The following ASTN2 variants were observed in gnomAD, a reference collection of about 807,000 sequenced individuals.
The protein encoded by ASTN2 is astrotactin 2, also known as astrotactin-2.
Under a neutral mutation model 139.8 loss-of-function variants are expected in ASTN2, and 54 were observed. The ratio of observed to expected loss-of-function variants is 0.39; its 90% CI spans 0.31 to 0.48. The LOEUF is 0.48. Ranked by LOEUF, ASTN2 falls within the 20% of genes least tolerant of loss-of-function variation. The pLI, the probability that ASTN2 is intolerant of heterozygous loss-of-function variation, is 0.95. For synonymous variants in ASTN2, 756 were observed against 719.5 expected (o/e 1.05, Z -0.81); for missense variants, 1,565 against 1,725.1 (o/e 0.91, Z 1.64).
chr9:116,496,900 GCCCC>G (rs376487835), intron 19 of ASTN2, among the ~76,000 whole-genome samples: 1 of 152,080 alleles, frequency 6.6e-6, no homozygotes, highest in African/African-American at 2.4e-5. Context: ...GGTAAAACCT[GCCCC>G]CATGATTCAA....
At chr9:117,371,618 G>C (rs1451761371) in intron 1 of ASTN2, among the ~76,000 whole-genome samples, 1 of 152,104 alleles carries the variant, frequency 6.6e-6, no homozygotes, top group Non-Finnish European at 1.5e-5. Context: ...TCAATTTCTT[G>C]ATCTGTAAAG....
At chr9:117,211,569 C>A (rs1832130148) in intron 3 of ASTN2, among the ~76,000 whole-genome samples, 1 of 152,110 alleles carries the variant, frequency 6.6e-6, no homozygotes, top group Non-Finnish European at 1.5e-5. Flanking sequence ...TGAGGCCTCC[C>A]CAACCGTGCC....
intron 1 of ASTN2, among the ~76,000 whole-genome samples, chr9:117,346,960 C>T (rs1240786734): frequency 6.6e-6 from 1 of 152,104 alleles, no homozygotes; most frequent in East Asian, 1.9e-4. Context: ...GGGCTCAATA[C>T]ACACATTCTT....
intron 5 of ASTN2, among the ~76,000 whole-genome samples, chr9:117,055,609 T>G (rs751761402): frequency 1.3e-5 from 2 of 152,190 alleles, no homozygotes; most frequent in Non-Finnish European, 2.9e-5. Flanking sequence ...TATCAGAGGA[T>G]ATTTACACGA....
rs181261466 is a variant in ASTN2 at position 116,798,025 on chromosome 9, C to T, written c.2396+7607G>A. Among the ~76,000 whole-genome samples the T allele has an allele frequency of 2.8e-4, 43 of 152,314 alleles. No individual in the cohort carries two copies. The South Asian group carries it at 4.4e-3, about 15-fold the overall frequency. On this transcript the variant is annotated intron_variant, in intron 13 of 22. Coordinates refer to ENST00000313400, the MANE Select transcript of ASTN2 (RefSeq NM_001365068.1). ...GTGACTCACATCTGTAACTACAGCA[C>T]TTTGGGAGGCTGAGGTGGAAGGATC...
intron 2 of ASTN2, among the ~76,000 whole-genome samples, chr9:117,232,306 T>C (rs777630364): frequency 4.6e-5 from 7 of 152,136 alleles, no homozygotes; most frequent in Non-Finnish European, 1.5e-5. Context: ...TCAAGATAAA[T>C]TTCCCCCAAA....
intron 19 of ASTN2, among the ~76,000 whole-genome samples, chr9:116,586,833 C>CACACACACACACACACACACAT (rs1554717115): frequency 0.033 from 3,838 of 117,780 alleles, 256 homozygotes; most frequent in African/African-American, 0.11. Context: ...CACATACATA[C>CACACACACACACACACACACAT]ACACACACAC....
intron 1 of ASTN2, among the ~76,000 whole-genome samples, chr9:117,334,098 T>C (rs1262388187): frequency 6.6e-6 from 1 of 152,322 alleles, no homozygotes; most frequent in East Asian, 1.9e-4. Context: ...AACTTGGTTA[T>C]TATAGTAGGA....
At chr9:116,862,825 CACACACACACACACACAT>C (rs1483405034) in intron 11 of ASTN2, among the ~76,000 whole-genome samples, 1 of 80,026 alleles carries the variant, frequency 1.2e-5, no homozygotes, top group Non-Finnish European at 2.8e-5. Context: ...CACACACACA[CACACACACACACACACAT>C]ACACGTTAAA....
rs371059118 is a variant in ASTN2, at chr9:116,554,741, A to C, written c.3355+63583T>G. 2.0e-5 allele frequency among the ~76,000 whole-genome samples: 3 copies of C among 152,270 alleles called. No homozygotes were observed. The East Asian group carries it at 5.8e-4, about 29-fold the overall frequency. On this transcript the variant is annotated intron_variant, in intron 19 of 22. Transcript: ENST00000313400. The stretch of plus-strand genomic sequence containing the variant: ...TTTAGAGTTATCTTCTATTTATGGC[A>C]TGTAATCCTGGTTTTCCATTTACCA...
chr9:117,317,373 G>A (rs754189567), intron 1 of ASTN2, among the ~76,000 whole-genome samples: 2 of 152,142 alleles, frequency 1.3e-5, no homozygotes. Context: ...GAACTTAGGG[G>A]TGGCCCTATC....
intron 1 of ASTN2, among the ~76,000 whole-genome samples, chr9:117,348,124 G>C (rs1348218963): frequency 6.6e-6 from 1 of 152,128 alleles, no homozygotes; most frequent in African/African-American, 2.4e-5. Flanking sequence ...AGGTAACTGG[G>C]GAGGCCTGTT....
intron 22 of ASTN2, among the ~76,000 whole-genome samples, chr9:116,427,639 G>T (rs761096521): frequency 6.6e-6 from 1 of 152,246 alleles, no homozygotes; most frequent in Non-Finnish European, 1.5e-5. Flanking sequence ...GGGAGACTGT[G>T]TTAGGCACCT....
At chr9:117,361,768 C>G (rs1181414699) in intron 1 of ASTN2, among the ~76,000 whole-genome samples, 1 of 152,062 alleles carries the variant, frequency 6.6e-6, no homozygotes, top group Admixed American at 6.5e-5. Context: ...TCTCTAGGAC[C>G]CTTCTCACTC....
At chr9:117,132,700 C>T (rs1436431831) in intron 4 of ASTN2, among the ~76,000 whole-genome samples, 1 of 152,144 alleles carries the variant, frequency 6.6e-6, no homozygotes, top group Non-Finnish European at 1.5e-5. Flanking sequence ...ACAATACAAC[C>T]TGTGGGTCAC....
intron 19 of ASTN2, among the ~76,000 whole-genome samples, chr9:116,494,990 G>T (rs945035078): frequency 6.6e-6 from 1 of 152,160 alleles, no homozygotes; most frequent in African/African-American, 2.4e-5. Context: ...GCCTGGATCT[G>T]CTCCTATTTA....
At chr9:117,109,603 G>C (rs1010791933) in intron 4 of ASTN2, among the ~76,000 whole-genome samples, 10 of 151,982 alleles carry the variant, frequency 6.6e-5, no homozygotes, top group African/African-American at 2.4e-4. Context: ...CCCTTTCTTA[G>C]TTTTCAGGTT....
At chr9:116,638,877 G>T (rs575253960) in intron 17 of ASTN2, among the ~76,000 whole-genome samples, 3 of 152,254 alleles carry the variant, frequency 2.0e-5, no homozygotes, top group East Asian at 3.9e-4. Context: ...AGAAATTATC[G>T]TTCATTTAGG....
Position 116,632,154 on chromosome 9 carries a change from G to GAC in ASTN2, c.3073-11712_3073-11711insGT, listed in dbSNP as rs1315054503. ...AGAGAGAGAGAGAGAGAGAGAGAGAGAGACAGAGAGAGAGAGAGAGAGAGA... is the reference window on the plus strand; with the variant it reads ...AGAGAGAGAGAGAGAGAGAGAGAGAGACAGACAGAGAGAGAGAGAGAGAGAGA... On this transcript the variant is annotated intron_variant, in intron 17 of 22. Coordinates refer to ENST00000313400, the MANE Select transcript of ASTN2 (RefSeq NM_001365068.1). Among the ~76,000 whole-genome samples, 109 of 65,574 alleles carry GAC rather than the reference G, an allele frequency of 1.7e-3. 2 individuals carry two copies. The highest frequency in any genetic ancestry group is 4.0e-3 in the African/African-American group (67 of 16,590). 43.0% of individuals were successfully genotyped at this position (65,574 alleles called of 152,430 possible).
Sources: gnomAD v4.1 joint callset for allele counts (sites outside exome capture counted in the v4.1 genomes callset) on GRCh38, gnomAD v4.1.1 for gene constraint, MANE v1.5 for transcripts, NCBI Gene and HGNC (gene_info 2026-07-23, HGNC 2026-07-21) for gene names.